Variants in CNTNAP2 observed in about 807,000 individuals in gnomAD.
CNTNAP2 encodes contactin-associated protein-like 2.
CNTNAP2 carries 98 observed loss-of-function variants against 155.2 expected under a neutral mutation model. The ratio of observed to expected loss-of-function variants is 0.63; its 90% CI spans 0.54 to 0.75. CNTNAP2 has a LOEUF of 0.75. Ranked by LOEUF, CNTNAP2 falls within the 30% of genes least tolerant of loss-of-function variation. The probability of loss-of-function intolerance (pLI) is 0.00; values close to 1 mark genes in which losing one functional copy is unlikely to be tolerated. For synonymous variants in CNTNAP2, 651 were observed against 631.2 expected (o/e 1.03, Z -0.47); for missense variants, 1,727 against 1,688.1 (o/e 1.02, Z -0.40).
chr7:147,235,482 GCCTTTTC>G (rs1046970394), intron 8 of CNTNAP2, among the ~76,000 whole-genome samples: 4 of 152,098 alleles, frequency 2.6e-5, no homozygotes, highest in African/African-American at 7.2e-5. Flanking sequence ...CTATGAGAAT[GCCTTTTC>G]CCTTGGCAAT....
chr7:147,464,465 TA>T (rs71183005), intron 10 of CNTNAP2, among the ~76,000 whole-genome samples: 2,049 of 65,922 alleles, frequency 0.031, 22 homozygotes, highest in African/African-American at 0.059. Context: ...AGACTCCATC[TA>T]AAAAAAAAAA....
At chr7:147,685,934 G>A (rs1272149266) in intron 13 of CNTNAP2, among the ~76,000 whole-genome samples, 1 of 151,922 alleles carries the variant, frequency 6.6e-6, no homozygotes, top group African/African-American at 2.4e-5. Flanking sequence ...TCCAGAAAGA[G>A]AAGTTAAGTA....
intron 22 of CNTNAP2, among the ~76,000 whole-genome samples, chr7:148,406,654 A>C (rs1799710131): frequency 1.3e-5 from 2 of 152,234 alleles, no homozygotes; most frequent in African/African-American, 4.8e-5. Context: ...GATATGGACT[A>C]AATAGTGTCC....
chr7:146,710,022 T>A (rs1260095289), intron 1 of CNTNAP2, among the ~76,000 whole-genome samples: 1 of 152,052 alleles, frequency 6.6e-6, no homozygotes, highest in Non-Finnish European at 1.5e-5. Flanking sequence ...GACTAAGAAG[T>A]GAGCTGCAAG....
At chr7:148,400,482 T>C (rs772587686) in intron 22 of CNTNAP2, among the ~76,000 whole-genome samples, 2 of 152,194 alleles carry the variant, frequency 1.3e-5, no homozygotes, top group Non-Finnish European at 2.9e-5. Flanking sequence ...CGTACGGCAC[T>C]GTTAACCAAG....
intron 1 of CNTNAP2, among the ~76,000 whole-genome samples, chr7:146,218,206 C>T (rs1017498933): frequency 6.6e-6 from 1 of 152,124 alleles, no homozygotes; most frequent in African/African-American, 2.4e-5. Context: ...TTACCAAGAA[C>T]TTTTATTAAA....
chr7:146,544,685 G>A (rs1317447722), intron 1 of CNTNAP2, among the ~76,000 whole-genome samples: 2 of 151,882 alleles, frequency 1.3e-5, no homozygotes, highest in Non-Finnish European at 2.9e-5. Context: ...GAAAAGCAGG[G>A]CCTTTATCAC....
chr7:147,873,686 C>T (rs1799373870), intron 13 of CNTNAP2, among the ~76,000 whole-genome samples: 1 of 152,172 alleles, frequency 6.6e-6, no homozygotes, highest in South Asian at 2.1e-4. Context: ...CATGTCCTCA[C>T]ATTTCAAAGC....
At chr7:148,214,448 T>C (rs994897901) in intron 18 of CNTNAP2, among the ~76,000 whole-genome samples, 7 of 152,258 alleles carry the variant, frequency 4.6e-5, no homozygotes, top group African/African-American at 1.4e-4. Flanking sequence ...TGATTGTATT[T>C]TGTTCATCTT....
At chr7:147,726,517 CA>C (rs770392607) in intron 13 of CNTNAP2, among the ~76,000 whole-genome samples, 7 of 151,854 alleles carry the variant, frequency 4.6e-5, no homozygotes, top group Non-Finnish European at 1.0e-4. Flanking sequence ...ATGTTAAGGG[CA>C]GGGGGAAGAG....
rs573880449 is a variant in CNTNAP2, at chr7:147,167,463, A to G, written c.1348+34954A>G. 2.6e-6 allele frequency: 3 copies of G among 1,142,996 alleles called. No individual in the cohort carries two copies. The African/African-American group carries it at 4.7e-5, about 18-fold the overall frequency. The allele number at this position is 1,142,996 out of a possible 1,614,324, so 70.8% of individuals were successfully genotyped here. A position where few individuals can be genotyped will look rare whatever the true frequency, so the allele number is the denominator to read the frequency against. ...AGACCCTAACTTGGAGTTTGTTGCC[A>G]TGCCTGCCCCTGCCCCACTGGAGGT... On this transcript the variant is annotated intron_variant, in intron 8 of 23. Coordinates refer to ENST00000361727, the MANE Select transcript of CNTNAP2 (RefSeq NM_014141.6).
At chr7:146,472,030 G>C (rs142362156) in intron 1 of CNTNAP2, among the ~76,000 whole-genome samples, 1 of 152,228 alleles carries the variant, frequency 6.6e-6, no homozygotes, top group Admixed American at 6.5e-5. Flanking sequence ...GCTCTCATGG[G>C]CATCCTGGTT....
At position 146,868,361 on chromosome 7, in the gene CNTNAP2, G is replaced by A. The variant is rs375522646; in HGVS notation, c.402+28457G>A. Among the ~76,000 whole-genome samples, 10 of 152,166 alleles carry A rather than the reference G, an allele frequency of 6.6e-5. No homozygotes were observed. In the East Asian group the frequency reaches 1.9e-3, roughly 29 times the overall value. Reference sequence around the variant, plus strand: ...GGCTTACTTCTGATATCTCTATTCTGTTCCATTGGTCTATGTGCCTGTTTG... The same window carrying A: ...GGCTTACTTCTGATATCTCTATTCTATTCCATTGGTCTATGTGCCTGTTTG... On this transcript the variant is annotated intron_variant, in intron 3 of 23. Transcript: ENST00000361727.
At chr7:146,798,995 T>C (rs1481860154) in intron 2 of CNTNAP2, among the ~76,000 whole-genome samples, 1 of 152,170 alleles carries the variant, frequency 6.6e-6, no homozygotes, top group Non-Finnish European at 1.5e-5. Flanking sequence ...TCCTCTTTCA[T>C]ACAAACTAAT....
chr7:148,389,890 C>A (rs1347965803), intron 22 of CNTNAP2: 2 of 151,894 alleles, frequency 1.3e-5, no homozygotes, highest in South Asian at 2.1e-4. Flanking sequence ...AAGAAAAATC[C>A]CAATATCTAG....
In CNTNAP2 at chr7:146,953,155, C is replaced by G. The variant is rs114895095; in HGVS notation, c.403-90752C>G. ...ATGGATAGTCAAGGATATTTTAGAT[C>G]TGAGTAATCAATAGCAGGTGATGGA... On this transcript the variant is annotated intron_variant, in intron 3 of 23. Coordinates refer to ENST00000361727, the MANE Select transcript of CNTNAP2 (RefSeq NM_014141.6). Among the ~76,000 whole-genome samples the G allele has an allele frequency of 3.1e-3, 475 of 152,014 alleles. 4 individuals are homozygous for G. The highest frequency in any genetic ancestry group is 0.011 in the African/African-American group (461 of 41,508).
At chr7:146,805,706 A>T (rs766576368) in intron 2 of CNTNAP2, among the ~76,000 whole-genome samples, 2 of 152,194 alleles carry the variant, frequency 1.3e-5, no homozygotes, top group Non-Finnish European at 2.9e-5. Context: ...GCCACACCGT[A>T]ACTAGTTGGA....
chr7:147,371,549 A>T (rs1334717104), intron 9 of CNTNAP2, among the ~76,000 whole-genome samples: 1 of 152,042 alleles, frequency 6.6e-6, no homozygotes, highest in African/African-American at 2.4e-5. Flanking sequence ...CTGACAACTT[A>T]TTTCTCCACT....
chr7:148,266,907 A>G (rs1796680633), intron 20 of CNTNAP2, 126 bp from the exon 21 acceptor site: 1 of 860,336 alleles, frequency 1.2e-6, no homozygotes, highest in Non-Finnish European at 2.0e-6. Flanking sequence ...TTTTAGAGTC[A>G]GTGCTGATGA....
Sources: allele counts gnomAD v4.1 joint callset (sites outside exome capture counted in the v4.1 genomes callset), GRCh38; gene constraint gnomAD v4.1.1; transcripts MANE v1.5; gene names NCBI Gene and HGNC (gene_info 2026-07-23, HGNC 2026-07-21).